SCRIB: variants seen among roughly 807,000 people sequenced by gnomAD.
SCRIB encodes the protein scribble planar cell polarity protein.
Under a neutral mutation model 170.0 loss-of-function variants are expected in SCRIB, and 72 were observed. That is an observed-to-expected ratio of 0.42 (90% CI 0.35 to 0.52). SCRIB has a LOEUF of 0.52. Among genes scored for constraint, SCRIB ranks in the 20% least tolerant of loss-of-function variants. The pLI is 0.02. For synonymous variants in SCRIB, 1,298 were observed against 1,044.3 expected, an observed-to-expected ratio of 1.24 and a Z score of -4.68; for missense variants, 2,475 against 2,338.5, an observed-to-expected ratio of 1.06 and a Z score of -1.20.
rs782036269 is a variant in SCRIB at position 143,805,210 on chromosome 8, G to A, written c.2572C>T (p.Arg858Cys). Residue 858 changes from arginine to cysteine, a missense_variant, in exon 19 of 37, where the codon CGT becomes TGT. Arg to Cys is a radical substitution (Grantham distance 180). Around this residue, in one of 3 missense-constraint regions of SCRIB, gnomAD observed 1,966 missense variants for 1,742.9 expected, o/e 1.13. Coordinates refer to ENST00000356994, the MANE Select transcript of SCRIB (RefSeq NM_182706.5). ...GCCAGGCAGGCCACGTGGCGCTGAC[G>A]GAGGGGCCCGGGGCTCTCAGGCGGG... ...LLPPESPGPLRQRHVACLARS... is the reference protein window; with the variant it reads ...LLPPESPGPLCQRHVACLARS... The A allele has an allele frequency of 1.9e-5, 30 of 1,558,122 alleles. No homozygotes were observed. Among genetic ancestry groups the A allele is most frequent in the Middle Eastern group, 1.7e-4 (1 of 5,890 alleles).
Position 143,795,032 on chromosome 8 carries a change from A to C in SCRIB, c.3846+6T>G. The C allele has an allele frequency of 6.2e-7, 1 of 1,609,128 alleles. No homozygotes were observed. The highest frequency in any genetic ancestry group is 8.5e-7 in the Non-Finnish European group (1 of 1,178,230). On this transcript the variant is annotated splice_donor_region_variant and intron_variant, in intron 27 of 36. Transcript: ENST00000356994. Reference sequence around the variant, plus strand: ...AGGTGGGGGGCACTGCACACTGGGCACTCACCCTCTGCACGCTGCCAGCGC... The same window carrying C: ...AGGTGGGGGGCACTGCACACTGGGCCCTCACCCTCTGCACGCTGCCAGCGC...
chr8:143,812,789 C>CCACCCAGGCA (rs2130143127), intron 8 of SCRIB, 28 bp downstream of exon 8: 1 of 1,591,026 alleles, frequency 6.3e-7, no homozygotes, highest in East Asian at 2.2e-5. Flanking sequence ...TCCGTGTGCC[C>CCACCCAGGCA]CACCCAGGCA....
intron 27 of SCRIB, chr8:143,794,270 CCAGAGA>C: frequency 2.6e-6 from 1 of 391,312 alleles, no homozygotes; most frequent in Non-Finnish European, 4.7e-6. Flanking sequence ...GGGGGAGGGG[CCAGAGA>C]CAGAGGTGAT....
Position 143,807,581 on chromosome 8 carries a change from T to C in SCRIB, c.2149A>G (p.Ile717Val). The C allele has an allele frequency of 1.2e-6, 2 of 1,613,916 alleles. No homozygotes were observed. The highest frequency in any genetic ancestry group is 1.7e-6 in the Non-Finnish European group (2 of 1,179,910). ...VSFDQANNLL[I>V]EPARIEEEEL... is the part of the protein sequence containing the mutation. ...TCCTCCTCAATGCGAGCAGGCTCTA[T>C]CAGCAGGTTATTGGCCTGGTCAAAC... The change falls in exon 16 of 37, where the codon ATA becomes GTA. Residue 717 changes from isoleucine to valine, a missense_variant. Ile to Val is a conservative substitution (Grantham distance 29, BLOSUM62 3). Transcript: ENST00000356994.
chr8:143,805,763 C>T (rs1815397233), intron 18 of SCRIB, among the ~76,000 whole-genome samples: 1 of 152,222 alleles, frequency 6.6e-6, no homozygotes, highest in Non-Finnish European at 1.5e-5. Flanking sequence ...CAGCCCAACA[C>T]ACACCTAAGG....
rs374590338 is a variant in SCRIB at position 143,792,306 on chromosome 8, C to T, written c.4428G>A (p.Pro1476=). 147 of 1,557,904 alleles carry T rather than the reference C, an allele frequency of 9.4e-5. No homozygotes were observed. In the African/African-American group the frequency reaches 1.6e-3, roughly 17 times the overall value. The stretch of plus-strand genomic sequence containing the variant: ...GGGCACGCTCGGGTGCCGGTGGCTC[C>T]GGACTCTGCACGCGCAGCCGCTCCT... ...RHQERLRVQS[P]EPPAPERALS... is the part of the protein sequence containing the mutation. The change falls in exon 32 of 37, where the codon CCG becomes CCA. Residue 1476 remains proline, a synonymous_variant. Transcript: ENST00000356994.
At position 143,792,688 on chromosome 8, in the gene SCRIB, C is replaced by G. The variant is rs782474262; in HGVS notation, c.4177+20G>C. ...AGACCAGCCGAGACCCAACCCCCAC[C>G]CCACTTCCGTGCCCCTCACCTTCCT... On this transcript the variant is annotated intron_variant, in intron 30 of 36. Transcript: ENST00000356994. 3.8e-6 allele frequency: 6 copies of G among 1,588,026 alleles called. No individual in the cohort carries two copies. Among genetic ancestry groups the G allele is most frequent in the Non-Finnish European group, 3.4e-6 (4 of 1,174,132 alleles).
At position 143,813,089 on chromosome 8, in the gene SCRIB, C is replaced by T. The variant is rs917820115; in HGVS notation, c.583G>A (p.Ala195Thr). 1.3e-6 allele frequency: 2 copies of T among 1,579,354 alleles called. No homozygotes were observed. The highest frequency in any genetic ancestry group is 2.7e-5 in the African/African-American group (2 of 74,436). The change falls in exon 7 of 37, where the codon GCT becomes ACT. Residue 195 changes from alanine (A) to threonine (T), a missense_variant. Around this residue, in one of 3 missense-constraint regions of SCRIB, gnomAD observed 487 missense variants for 558.1 expected, o/e 0.87. Transcript: ENST00000356994. ...CACAGCTCCCGAAGATTGGGCAGAG[C>T]CCCCAGAGTGTCTGGCTGCAAGAAG... ...DLEVLPDTLGALPNLRELWLD... is the reference protein window; with the variant it reads ...DLEVLPDTLGTLPNLRELWLD...
chr8:143,802,060 C>A (rs555463454), intron 24 of SCRIB, among the ~76,000 whole-genome samples: 27 of 152,378 alleles, frequency 1.8e-4, no homozygotes, highest in Middle Eastern at 3.4e-3. Context: ...GTAAATATAT[C>A]GAATGAAACG....
chr8:143,792,610 C>T lies in SCRIB; in HGVS notation c.4203G>A (p.Ala1401=), dbSNP rs574787892. 1.3e-5 allele frequency: 20 copies of T among 1,593,348 alleles called. No homozygotes were observed. The highest frequency in any genetic ancestry group is 8.9e-5 in the South Asian group (8 of 89,662). Residue 1401 remains alanine (A), a synonymous_variant, in exon 31 of 37, where the codon GCG becomes GCA. Coordinates refer to ENST00000356994, the MANE Select transcript of SCRIB (RefSeq NM_182706.5). Reference sequence around the variant, plus strand: ...CCTCTGCCGCCTCCCGCAGCATCTGCGCTCTCTTCTGCTGTAGTTTTCTGG... The same window carrying T: ...CCTCTGCCGCCTCCCGCAGCATCTGTGCTCTCTTCTGCTGTAGTTTTCTGG... ...EEARKLQQKR[A]QMLREAAEAG...
At position 143,813,109 on chromosome 8, in the gene SCRIB, A is replaced by G. The variant is rs1293191875; in HGVS notation, c.568-5T>C. 1 of 1,573,376 alleles carries G rather than the reference A, an allele frequency of 6.4e-7. No individual in the cohort carries two copies. The highest frequency in any genetic ancestry group is 1.3e-5 in the African/African-American group (1 of 74,362). Reference sequence around the variant, plus strand: ...CAGAGCCCCCAGAGTGTCTGGCTGCAAGAAGGAACAGAGAAAATAGTGACT... The same window carrying G: ...CAGAGCCCCCAGAGTGTCTGGCTGCGAGAAGGAACAGAGAAAATAGTGACT... On this transcript the variant is annotated splice_polypyrimidine_tract_variant and splice_region_variant and intron_variant, in intron 6 of 36. Transcript: ENST00000356994.
intron 31 of SCRIB, 23 bp downstream of exon 31, chr8:143,792,462 G>A (rs1554633090): frequency 1.3e-6 from 2 of 1,519,732 alleles, no homozygotes; most frequent in Non-Finnish European, 8.8e-7. Context: ...TGAGTAGGGG[G>A]CGTCTGGTGG....
At chr8:143,803,978 G>A (rs782142859) in intron 22 of SCRIB, 38 bp from the exon 23 acceptor site, 55 of 1,567,880 alleles carry the variant, frequency 3.5e-5, no homozygotes, top group South Asian at 5.8e-5. Flanking sequence ...GGCTGAGGCC[G>A]CGCTGACCTG....
chr8:143,791,967 C>G (rs931722825), intron 33 of SCRIB, 24 bp downstream of exon 33: 2 of 1,487,976 alleles, frequency 1.3e-6, no homozygotes, highest in African/African-American at 1.4e-5. Flanking sequence ...GGCTGACCCC[C>G]CCGACCTGCC....
chr8:143,801,600 A>G (rs1815173699), intron 24 of SCRIB, among the ~76,000 whole-genome samples: 2 of 152,232 alleles, frequency 1.3e-5, no homozygotes, highest in African/African-American at 2.4e-5. Context: ...CCCACAGAAC[A>G]AAGATGAGCA....
At position 143,792,550 on chromosome 8, in the gene SCRIB, C is replaced by A. The variant is rs368450536; in HGVS notation, c.4263G>T (p.Glu1421Asp). Reference sequence around the variant, plus strand: ...CCTCCTGTTCCTCCTCGCCCAGCGTCTCCCCGTCCAGGGCGAGCCTCGCTT... The same window carrying A: ...CCTCCTGTTCCTCCTCGCCCAGCGTATCCCCGTCCAGGGCGAGCCTCGCTT... ...GAEARLALDG[E>D]TLGEEEQEDE... The change falls in exon 31 of 37, where the codon GAG (glutamate) becomes GAT (aspartate). Residue 1421 changes from glutamate (E) to aspartate (D), a missense_variant. By Grantham distance (45) the Glu-to-Asp change is conservative. Around this residue, in one of 3 missense-constraint regions of SCRIB, gnomAD observed 1,966 missense variants for 1,742.9 expected, o/e 1.13. Coordinates refer to ENST00000356994, the MANE Select transcript of SCRIB (RefSeq NM_182706.5). 11 of 1,562,822 alleles carry A rather than the reference C, an allele frequency of 7.0e-6. No homozygotes were observed. In the South Asian group the frequency reaches 1.2e-4, roughly 16 times the overall value.
At position 143,812,860 on chromosome 8, in the gene SCRIB, C is replaced by T. The variant is rs752871981; in HGVS notation, c.744G>A (p.Leu248=). The T allele has an allele frequency of 2.7e-5, 43 of 1,606,594 alleles. No homozygotes were observed. Among genetic ancestry groups the T allele is most frequent in the Non-Finnish European group, 3.3e-5 (39 of 1,179,838 alleles). ...TCCGCAGCAGGTTCTGGGACAGCAG[C>T]AGGTCAGTGAGCAGCACCAGCCCGC... ...ELGGLVLLTD[L]LLSQNLLRRL... Residue 248 remains leucine (L), a synonymous_variant, in exon 8 of 37, where the codon CTG becomes CTA. Coordinates refer to ENST00000356994, the MANE Select transcript of SCRIB (RefSeq NM_182706.5).
Position 143,815,336 on chromosome 8 carries a change from GCCGGTT to G in SCRIB, c.31_36del (p.Asn11_Arg12del), listed in dbSNP as rs772738896. On this transcript the variant is annotated inframe_deletion, in exon 1 of 37. Coordinates refer to ENST00000356994, the MANE Select transcript of SCRIB (RefSeq NM_182706.5). The stretch of plus-strand genomic sequence containing the variant: ...TGCCGCTTGTCCACCGACTCCACGT[GCCGGTT>G]GCAGCGCCACAGCGGGATGCACTTG... 1 of 1,556,504 alleles carries G rather than the reference GCCGGTT, an allele frequency of 6.4e-7. No homozygotes were observed. Among genetic ancestry groups the G allele is most frequent in the Non-Finnish European group, 8.7e-7 (1 of 1,152,458 alleles).
At position 143,792,640 on chromosome 8, in the gene SCRIB, C is replaced by T. The variant is rs374942762; in HGVS notation, c.4178-5G>A. 14 of 1,593,148 alleles carry T rather than the reference C, an allele frequency of 8.8e-6. No homozygotes were observed. Among genetic ancestry groups the T allele is most frequent in the African/African-American group, 4.0e-5 (3 of 74,980 alleles). ...TCTTCTGCTGTAGTTTTCTGGCTGC[C>T]GGAGGGCAGGGTGGGTCAGGCCAGA... On this transcript the variant is annotated splice_region_variant and splice_polypyrimidine_tract_variant and intron_variant, in intron 30 of 36. Transcript: ENST00000356994.
Sources: gnomAD v4.1 joint callset for allele counts (sites outside exome capture counted in the v4.1 genomes callset) on GRCh38, gnomAD v4.1.1 for gene constraint, gnomAD v4.1.1 regional missense constraint, MANE v1.5 for transcripts, NCBI Gene and HGNC (gene_info 2026-07-23, HGNC 2026-07-21) for gene names.